Variants in PPAT observed in about 807,000 individuals in gnomAD.
The protein encoded by PPAT is amidophosphoribosyltransferase.
A neutral mutation model predicts 60.2 loss-of-function variants in PPAT; 20 were observed. The ratio of observed to expected loss-of-function variants is 0.33; its 90% CI spans 0.23 to 0.48. The LOEUF (loss-of-function observed/expected upper bound fraction) is 0.48. Ranked by LOEUF, PPAT falls within the 20% of genes least tolerant of loss-of-function variation. The pLI is 0.99. For synonymous variants in PPAT, 194 were observed against 215.1 expected, an observed-to-expected ratio of 0.90 and a Z score of 0.86; for missense variants, 349 against 629.6, an observed-to-expected ratio of 0.55 and a Z score of 4.77.
At chr4:56,400,745 G>A in intron 8 of PPAT, 39 bp downstream of exon 8, 1 of 1,572,180 alleles carries the variant, frequency 6.4e-7, no homozygotes, top group South Asian at 1.2e-5. Flanking sequence ...TTCCACAGCT[G>A]GGAGAGCAAT....
At chr4:56,400,646 C>T (rs1317405140) in intron 8 of PPAT, 138 bp downstream of exon 8, 15 of 944,136 alleles carry the variant, frequency 1.6e-5, no homozygotes, top group Admixed American at 8.7e-5. Flanking sequence ...AAATAAAAAA[C>T]GCTTGTAAAC....
intron 3 of PPAT, among the ~76,000 whole-genome samples, chr4:56,405,746 C>G (rs1479432939): frequency 5.9e-5 from 9 of 152,224 alleles, no homozygotes. Context: ...CATCTTTTCA[C>G]CAGACTGTTC....
chr4:56,429,012 G>C (rs550072058), intron 1 of PPAT: 1 of 955,946 alleles, frequency 1.0e-6, no homozygotes, highest in Non-Finnish European at 1.2e-6. Context: ...GATGGTAAGA[G>C]CCAGAGAAAT....
At chr4:56,398,996 T>G (rs1716050103) in intron 9 of PPAT, among the ~76,000 whole-genome samples, 183 bp downstream of exon 9, 1 of 152,108 alleles carries the variant, frequency 6.6e-6, no homozygotes, top group Non-Finnish European at 1.5e-5. Context: ...AGGATTACAT[T>G]TAATGTAAGT....
chr4:56,403,221 G>C (rs1716162230), intron 4 of PPAT, 36 bp from the exon 5 acceptor site: 2 of 1,598,826 alleles, frequency 1.3e-6, no homozygotes, highest in African/African-American at 2.7e-5. Context: ...AATAACTTCA[G>C]TTATAAACAT....
intron 1 of PPAT, chr4:56,420,752 T>C (rs747414912): frequency 1.3e-5 from 2 of 152,168 alleles, no homozygotes; most frequent in Admixed American, 6.5e-5. Context: ...ATAAAATACA[T>C]GAGACTTTCT....
rs1179184879 is a variant in PPAT, at chr4:56,394,120, T to C, written c.*1232A>G. The C allele has an allele frequency of 6.6e-6, 1 of 152,142 alleles. No individual in the cohort carries two copies. The highest frequency in any genetic ancestry group is 6.5e-5 in the Admixed American group (1 of 15,280). The allele number at this position is 152,142 out of a possible 1,614,324, so 9.4% of individuals were successfully genotyped here. On this transcript the variant is annotated 3_prime_UTR_variant, in exon 11 of 11. Coordinates refer to ENST00000264220, the MANE Select transcript of PPAT (RefSeq NM_002703.5). ...TAAAAATTCTTACATAAACAAAGGT[T>C]TGGGGTCAAGTCATCTTAAACTTCT...
chr4:56,403,562 G>T (rs1716172466), intron 3 of PPAT, among the ~76,000 whole-genome samples, 161 bp from the exon 4 acceptor site: 1 of 152,066 alleles, frequency 6.6e-6, no homozygotes, highest in South Asian at 2.1e-4. Context: ...TTGGCACCAG[G>T]GACCAGTTTG....
rs371283283 is a variant in PPAT at position 56,417,302 on chromosome 4, T to A, written c.129-9586A>T. Among the ~76,000 whole-genome samples the A allele has an allele frequency of 3.3e-4, 50 of 151,440 alleles. No homozygotes were observed. The East Asian group carries it at 9.1e-3, about 28-fold the overall frequency. Reference sequence around the variant, plus strand: ...TTTGTAACCTAAATAAGAAAAAAAATTCTGAAAAGCATTTCAAAGCAAAGA... The same window carrying A: ...TTTGTAACCTAAATAAGAAAAAAAAATCTGAAAAGCATTTCAAAGCAAAGA... On this transcript the variant is annotated intron_variant, in intron 1 of 10. Transcript: ENST00000264220.
chr4:56,399,206 T>C lies in PPAT; in HGVS notation c.1209A>G (p.Lys403=). 1 of 1,613,024 alleles carries C rather than the reference T, an allele frequency of 6.2e-7. No individual in the cohort carries two copies. The highest frequency in any genetic ancestry group is 8.5e-7 in the Non-Finnish European group (1 of 1,179,030). Residue 403 remains lysine, a synonymous_variant, in exon 9 of 11, where the codon AAA becomes AAG. Transcript: ENST00000264220. ...CTTTTGCACCAGATTCTTTGAGCAGTTTTATTATAGGTGAGATGGTATTGC... is the reference window on the plus strand; with the variant it reads ...CTTTTGCACCAGATTCTTTGAGCAGCTTTATTATAGGTGAGATGGTATTGC... The part of the protein sequence containing the change: ...VRGNTISPII[K]LLKESGAKEV...
chr4:56,400,930 G>A lies in PPAT; in HGVS notation c.887-19C>T. On this transcript the variant is annotated intron_variant, in intron 7 of 10. Transcript: ENST00000264220. ...ATTTGGTCTGGTGTGTTTGGAAAAG[G>A]AGAGAGAGTATTTTTACTTAGCATG... The A allele has an allele frequency of 6.3e-7, 1 of 1,599,988 alleles. No homozygotes were observed. Among genetic ancestry groups the A allele is most frequent in the Non-Finnish European group, 8.6e-7 (1 of 1,167,942 alleles).
rs547054681 is a variant in PPAT at position 56,395,709 on chromosome 4, T to G, written c.1358-161A>C. Among the ~76,000 whole-genome samples the G allele has an allele frequency of 9.3e-4, 140 of 151,084 alleles. 1 individual carries two copies. Among genetic ancestry groups the G allele is most frequent in the African/African-American group, 3.3e-3 (138 of 41,266 alleles). On this transcript the variant is annotated intron_variant, in intron 10 of 10. Coordinates refer to ENST00000264220, the MANE Select transcript of PPAT (RefSeq NM_002703.5). ...AAAAAGGAAAAAAAATCAATAAAAC[T>G]CAGTTCCTTTATTTTTAAAAATTTT...
At chr4:56,425,496 T>C (rs1432338030) in intron 1 of PPAT, 4 of 350,556 alleles carry the variant, frequency 1.1e-5, no homozygotes, top group Non-Finnish European at 1.6e-5. Flanking sequence ...TTGTTTATTA[T>C]GAAGTCATGA....
chr4:56,426,385 G>A (rs1228776194), intron 1 of PPAT, among the ~76,000 whole-genome samples: 1 of 151,526 alleles, frequency 6.6e-6, no homozygotes, highest in African/African-American at 2.4e-5. Context: ...CTGGGCGACT[G>A]AGCAAGACTC....
chr4:56,405,277 C>T (rs1716217376), intron 3 of PPAT, among the ~76,000 whole-genome samples: 1 of 152,126 alleles, frequency 6.6e-6, no homozygotes, highest in Non-Finnish European at 1.5e-5. Context: ...ATGTCATCTT[C>T]AAGTTTATAC....
Position 56,403,417 on chromosome 4 carries a change from GAGA to G in PPAT, c.403-19_403-17del, listed in dbSNP as rs1560638607. 4 of 1,574,336 alleles carry G rather than the reference GAGA, an allele frequency of 2.5e-6. No individual in the cohort carries two copies. The highest frequency in any genetic ancestry group is 1.7e-4 in the Middle Eastern group (1 of 5,986). ...GACGCAGAAGCTATATAGAAAAAAA[GAGA>G]AGTTTAATCATCAGAGGGGAAGCTC... On this transcript the variant is annotated splice_polypyrimidine_tract_variant and intron_variant, in intron 3 of 10. Coordinates refer to ENST00000264220, the MANE Select transcript of PPAT (RefSeq NM_002703.5).
At chr4:56,425,434 G>GA in intron 1 of PPAT, 1 of 931,824 alleles carries the variant, frequency 1.1e-6, no homozygotes, top group Non-Finnish European at 1.3e-6. Context: ...TTACAAATGT[G>GA]AAAAAAGAAA....
intron 1 of PPAT, chr4:56,428,976 T>A: frequency 1.0e-6 from 1 of 980,370 alleles, no homozygotes; most frequent in Non-Finnish European, 1.2e-6. Context: ...CAAGGAACTT[T>A]GAGCTTCAAG....
chr4:56,405,856 C>A (rs1716228713), intron 3 of PPAT, among the ~76,000 whole-genome samples: 1 of 152,210 alleles, frequency 6.6e-6, no homozygotes, highest in African/African-American at 2.4e-5. Flanking sequence ...AGTGCTAGGG[C>A]TGTTGCAGGA....
Sources: allele counts gnomAD v4.1 joint callset (sites outside exome capture counted in the v4.1 genomes callset), GRCh38; gene constraint gnomAD v4.1.1; transcripts MANE v1.5; gene names NCBI Gene and HGNC (gene_info 2026-07-23, HGNC 2026-07-21).